Variants in HPSE2 observed in about 807,000 individuals in gnomAD.
HPSE2 encodes the protein heparanase 2 (inactive).
HPSE2 carries 38 observed loss-of-function variants against 60.5 expected under a neutral mutation model. The ratio of observed to expected loss-of-function variants is 0.63; its 90% CI spans 0.48 to 0.82. HPSE2 has a LOEUF of 0.82. Among genes scored for constraint, HPSE2 ranks in the 40% least tolerant of loss-of-function variants. The pLI, the probability that HPSE2 is intolerant of heterozygous loss-of-function variation, is 0.00. For synonymous variants in HPSE2, 295 were observed against 293.2 expected (o/e 1.01, Z -0.06); for missense variants, 713 against 740.4 (o/e 0.96, Z 0.43).
chr10:98,778,264 C>CAGACAGAGAGAGAGAGAGAG (rs1950385087), intron 3 of HPSE2, among the ~76,000 whole-genome samples: 2 of 112,654 alleles, frequency 1.8e-5, no homozygotes, highest in Non-Finnish European at 3.6e-5. Flanking sequence ...GAGAGAGAGA[C>CAGACAGAGAGAGAGAGAGAG]AGAGAGAGAG....
chr10:99,012,159 AAC>A (rs570655908), intron 3 of HPSE2, among the ~76,000 whole-genome samples: 69 of 152,196 alleles, frequency 4.5e-4, no homozygotes, highest in African/African-American at 1.6e-3. Context: ...TGTTTCACAC[AAC>A]AGTTTCCAAT....
At chr10:98,895,964 T>C (rs1489791829) in intron 3 of HPSE2, among the ~76,000 whole-genome samples, 3 of 148,944 alleles carry the variant, frequency 2.0e-5, no homozygotes, top group African/African-American at 7.4e-5. Flanking sequence ...AGGGATAGCC[T>C]TAGGAGATAT....
At chr10:98,712,533 A>G (rs191351019) in intron 5 of HPSE2, among the ~76,000 whole-genome samples, 48 of 152,244 alleles carry the variant, frequency 3.2e-4, no homozygotes, top group Admixed American at 1.2e-3. Context: ...TTAGGCACTT[A>G]GTAGAAGTGT....
At chr10:98,488,424 G>A (rs540563404) in intron 10 of HPSE2, among the ~76,000 whole-genome samples, 2 of 152,282 alleles carry the variant, frequency 1.3e-5, no homozygotes, top group African/African-American at 4.8e-5. Flanking sequence ...AAATGAATGA[G>A]ACACTGGCCC....
chr10:98,645,733 C>G (rs984560577), intron 6 of HPSE2, among the ~76,000 whole-genome samples: 1 of 152,116 alleles, frequency 6.6e-6, no homozygotes, highest in African/African-American at 2.4e-5. Flanking sequence ...AATCCCAGCA[C>G]TTTGGGAGGC....
In HPSE2 at chr10:98,505,516, GA is replaced by G. The variant is rs557743196; in HGVS notation, c.1321-15321del. ...TACTCCCTCCACCAGTGTCCGTATG[GA>G]TCTCCTCTTGATTTACATCCTTGCC... is the stretch of plus-strand genomic sequence containing the variant. On this transcript the variant is annotated intron_variant, in intron 9 of 11. Transcript: ENST00000370552. Among the ~76,000 whole-genome samples the G allele has an allele frequency of 2.7e-3, 413 of 152,216 alleles. 1 individual carries two copies. The highest frequency in any genetic ancestry group is 9.5e-3 in the African/African-American group (393 of 41,508).
At chr10:99,217,783 C>A (rs1201007652) in intron 2 of HPSE2, among the ~76,000 whole-genome samples, 1 of 152,020 alleles carries the variant, frequency 6.6e-6, no homozygotes, top group Non-Finnish European at 1.5e-5. Flanking sequence ...ACGGGGTCCC[C>A]CTATGTTGCC....
At chr10:99,119,122 A>AGGGAGGG (rs1197662930) in intron 3 of HPSE2, among the ~76,000 whole-genome samples, 1 of 151,032 alleles carries the variant, frequency 6.6e-6, no homozygotes, top group East Asian at 1.9e-4. Flanking sequence ...GGAGGGAGGG[A>AGGGAGGG]AGGAAGGCTG....
At chr10:98,799,802 C>T (rs1340657943) in intron 3 of HPSE2, among the ~76,000 whole-genome samples, 2 of 151,244 alleles carry the variant, frequency 1.3e-5, no homozygotes, top group Admixed American at 1.3e-4. Flanking sequence ...GGAAAATATA[C>T]AGCTGTAAGT....
intron 4 of HPSE2, among the ~76,000 whole-genome samples, chr10:98,740,255 A>G (rs886260679): frequency 6.6e-6 from 1 of 150,756 alleles, no homozygotes; most frequent in Non-Finnish European, 1.5e-5. Context: ...GGCTCACTGC[A>G]GCCTCAACCT....
At chr10:98,723,973 G>A (rs975535841) in intron 4 of HPSE2, among the ~76,000 whole-genome samples, 1 of 152,024 alleles carries the variant, frequency 6.6e-6, no homozygotes, top group Non-Finnish European at 1.5e-5. Context: ...CTTCAGTTCT[G>A]CTTTGATCTT....
intron 9 of HPSE2, among the ~76,000 whole-genome samples, chr10:98,588,873 G>GA (rs147482681): frequency 0.057 from 8,603 of 151,444 alleles, 299 homozygotes; most frequent in Middle Eastern, 0.13. Flanking sequence ...CATCTAGAAG[G>GA]AAAAAAAGGA....
intron 3 of HPSE2, among the ~76,000 whole-genome samples, chr10:98,877,806 C>A (rs780822459): frequency 1.3e-5 from 2 of 151,818 alleles, no homozygotes; most frequent in African/African-American, 4.8e-5. Flanking sequence ...AGGGAGGGTA[C>A]GTTCAGGGCA....
chr10:99,105,976 T>C (rs1197358727), intron 3 of HPSE2, among the ~76,000 whole-genome samples: 2 of 152,154 alleles, frequency 1.3e-5, no homozygotes, highest in African/African-American at 4.8e-5. Flanking sequence ...ATACCTATCT[T>C]TATACAAATA....
At chr10:99,175,425 C>A (rs527796478) in intron 2 of HPSE2, among the ~76,000 whole-genome samples, 2 of 152,216 alleles carry the variant, frequency 1.3e-5, no homozygotes, top group Non-Finnish European at 2.9e-5. Context: ...GGAAGCTCGA[C>A]CTTGTTGGGA....
At chr10:99,053,288 T>C (rs1958031986) in intron 3 of HPSE2, among the ~76,000 whole-genome samples, 1 of 152,092 alleles carries the variant, frequency 6.6e-6, no homozygotes, top group African/African-American at 2.4e-5. Context: ...TGTATGGAAG[T>C]AGTATAATAT....
At chr10:98,501,964 A>C (rs896973408) in intron 9 of HPSE2, among the ~76,000 whole-genome samples, 1 of 152,140 alleles carries the variant, frequency 6.6e-6, no homozygotes, top group African/African-American at 2.4e-5. Flanking sequence ...CAAAAAAAAA[A>C]ACAAACTTAA....
At chr10:98,612,142 A>G (rs760707768) in intron 9 of HPSE2, among the ~76,000 whole-genome samples, 26 of 152,230 alleles carry the variant, frequency 1.7e-4, no homozygotes, top group Admixed American at 5.2e-4. Flanking sequence ...ATCTTTTTCC[A>G]GCCTGTTTTC....
At chr10:99,153,122 T>C (rs1252673564) in intron 2 of HPSE2, among the ~76,000 whole-genome samples, 1 of 152,206 alleles carries the variant, frequency 6.6e-6, no homozygotes. Flanking sequence ...GTCTCGCTGA[T>C]TGCTAGCACA....
Sources: gnomAD v4.1 joint callset for allele counts (sites outside exome capture counted in the v4.1 genomes callset) on GRCh38, gnomAD v4.1.1 for gene constraint, MANE v1.5 for transcripts, NCBI Gene and HGNC (gene_info 2026-07-23, HGNC 2026-07-21) for gene names.